Variants in SELENBP1 observed in about 807,000 individuals in gnomAD.
The protein encoded by SELENBP1 is selenium binding protein 1.
In SELENBP1, 71 loss-of-function variants were observed where a neutral mutation model predicts 61.0. That is an observed-to-expected ratio of 1.16 (90% CI 0.96 to 1.42). SELENBP1 has a LOEUF of 1.42. Among genes scored for constraint, SELENBP1 ranks in the 40% most tolerant of loss-of-function variants. The pLI, the probability that SELENBP1 is intolerant of heterozygous loss-of-function variation, is 0.00. For synonymous variants in SELENBP1, 270 were observed against 238.9 expected, an observed-to-expected ratio of 1.13 and a Z score of -1.20; for missense variants, 561 against 605.0, an observed-to-expected ratio of 0.93 and a Z score of 0.76.
rs556895430 is a variant in SELENBP1 at position 151,369,499 on chromosome 1, C to G, written c.117G>C (p.Glu39Asp). ...CCACAGTGGCCAGATAATCTGGGGCCTCAGTGCCTGTGTTTCGGTAAATGC... is the reference window on the plus strand; with the variant it reads ...CCACAGTGGCCAGATAATCTGGGGCGTCAGTGCCTGTGTTTCGGTAAATGC... ...LPCIYRNTGT[E>D]APDYLATVDV... Residue 39 changes from glutamate to aspartate, a missense_variant, in exon 3 of 12, where the codon GAG becomes GAC. Coordinates refer to ENST00000368868, the MANE Select transcript of SELENBP1 (RefSeq NM_003944.4). The G allele has an allele frequency of 1.6e-5, 26 of 1,612,922 alleles. No individual in the cohort carries two copies. In the East Asian group the frequency reaches 5.6e-4, roughly 35 times the overall value.
chr1:151,370,109 G>T, intron 1 of SELENBP1: 1 of 895,366 alleles, frequency 1.1e-6, no homozygotes, highest in South Asian at 2.7e-5. Flanking sequence ...GACTAGCCAG[G>T]GGAGCTTGGG....
At chr1:151,371,747 G>T (rs2102102862) in intron 1 of SELENBP1, among the ~76,000 whole-genome samples, 1 of 152,290 alleles carries the variant, frequency 6.6e-6, no homozygotes, top group South Asian at 2.1e-4. Context: ...AGATGGAGCT[G>T]CCCGCTCTGC....
intron 3 of SELENBP1, 47 bp from the exon 4 acceptor site, chr1:151,369,236 C>T (rs1460650117): frequency 1.3e-6 from 2 of 1,562,918 alleles, no homozygotes; most frequent in South Asian, 2.3e-5. Context: ...CGCCTCTGTC[C>T]ACTTTTGGAA....
chr1:151,372,114 G>T (rs1298300537), intron 1 of SELENBP1, among the ~76,000 whole-genome samples: 2 of 152,162 alleles, frequency 1.3e-5, no homozygotes, highest in East Asian at 1.9e-4. Context: ...ATTTAGGGGT[G>T]GGGGAGGCAT....
rs994568903 is a variant in SELENBP1, at chr1:151,365,797, A to C, written c.893T>G (p.Val298Gly). Residue 298 changes from valine (V) to glycine (G), a missense_variant, in exon 8 of 12, where the codon GTG (valine) becomes GGG (glycine). By Grantham distance (109) the Val-to-Gly change is moderately radical (BLOSUM62 -3). Coordinates refer to ENST00000368868, the MANE Select transcript of SELENBP1 (RefSeq NM_003944.4). Reference protein sequence around the residue: ...EKVIQVPPKKVKGWLLPEMPG... With the variant: ...EKVIQVPPKKGKGWLLPEMPG... ...CATTTCGGGCAGCAGCCAGCCCTTC[A>C]CTTTCTTGGGGGGCACCTGGATCAC... 10 of 1,612,828 alleles carry C rather than the reference A, an allele frequency of 6.2e-6. 1 individual carries two copies. In the Admixed American group the frequency reaches 1.5e-4, roughly 24 times the overall value.
At chr1:151,366,572 C>T (rs995890764) in intron 6 of SELENBP1, 119 bp from the exon 7 acceptor site, 64 of 1,416,826 alleles carry the variant, frequency 4.5e-5, no homozygotes, top group East Asian at 1.8e-4. Flanking sequence ...ATCAGGAAGA[C>T]GCTTGAGCAA....
At chr1:151,366,104 G>A in intron 7 of SELENBP1, 171 bp downstream of exon 7, 1 of 824,742 alleles carries the variant, frequency 1.2e-6, no homozygotes, top group Non-Finnish European at 1.9e-6. Context: ...GATAAATACG[G>A]CCAGTTAGGG....
rs1652034644 is a variant in SELENBP1, at chr1:151,369,448, A to G, written c.168T>C (p.Tyr56=). The change falls in exon 3 of 12, where the codon TAT becomes TAC. Residue 56 remains tyrosine (Y), a synonymous_variant. Coordinates refer to ENST00000368868, the MANE Select transcript of SELENBP1 (RefSeq NM_003944.4). ...CGCCCAAGCCCCGCCTAACCTGGCA[A>G]TACTGGGGAGACTTGGGGTCAACAT... ...TVDVDPKSPQ[Y]CQVIHRLPMP... 7 of 1,611,688 alleles carry G rather than the reference A, an allele frequency of 4.3e-6. No homozygotes were observed. The highest frequency in any genetic ancestry group is 5.9e-6 in the Non-Finnish European group (7 of 1,179,022).
chr1:151,369,060 A>T lies in SELENBP1; in HGVS notation c.304T>A (p.Ser102Thr). The T allele has an allele frequency of 7.4e-6, 12 of 1,614,004 alleles. No individual in the cohort carries two copies. Among genetic ancestry groups the T allele is most frequent in the Non-Finnish European group, 9.3e-6 (11 of 1,179,946 alleles). Residue 102 changes from serine (S) to threonine (T), a missense_variant, in exon 4 of 12, where the codon TCT becomes ACT. Coordinates refer to ENST00000368868, the MANE Select transcript of SELENBP1 (RefSeq NM_003944.4). ...TKLVLPSLIS[S>T]RIYVVDVGSE... ...CCCACGTCCACCACATAGATGCGAG[A>T]GGAGATGAGACTGGGCAGCACCAGC... is the stretch of plus-strand genomic sequence containing the variant.
chr1:151,370,635 G>A (rs1193569025), intron 1 of SELENBP1, among the ~76,000 whole-genome samples: 1 of 152,246 alleles, frequency 6.6e-6, no homozygotes, highest in Non-Finnish European at 1.5e-5. Context: ...CAGCAGATGT[G>A]CAGTAGGGCT....
chr1:151,372,224 G>T (rs1323567746), intron 1 of SELENBP1, among the ~76,000 whole-genome samples: 1 of 152,194 alleles, frequency 6.6e-6, no homozygotes, highest in Admixed American at 6.5e-5. Flanking sequence ...GCACAGAAAG[G>T]CTTTGGACTC....
At position 151,365,570 on chromosome 1, in the gene SELENBP1, G is replaced by A. The variant is rs748871803; in HGVS notation, c.1037C>T (p.Thr346Ile). 1.9e-6 allele frequency: 3 copies of A among 1,614,090 alleles called. No homozygotes were observed. In the South Asian group the frequency reaches 3.3e-5, roughly 18 times the overall value. Residue 346 changes from threonine (T) to isoleucine (I), a missense_variant, in exon 9 of 12, where the codon ACA (threonine) becomes ATA (isoleucine). By Grantham distance (89) the Thr-to-Ile change is moderately conservative. Transcript: ENST00000368868. ...TCCTGCCAGGGTCTCCACCTGTCCT[G>A]TGAGGCGGGGTCTCTGTGGGTCAGA... is the stretch of plus-strand genomic sequence containing the variant. ...DISDPQRPRL[T>I]GQLFLGGSIV...
At chr1:151,369,319 G>T in intron 3 of SELENBP1, 123 bp downstream of exon 3, 1 of 1,427,670 alleles carries the variant, frequency 7.0e-7, no homozygotes, top group South Asian at 1.3e-5. Context: ...CTTGTCCCAG[G>T]TTGAGCGTGC....
At chr1:151,370,574 C>G (rs1170383315) in intron 1 of SELENBP1, among the ~76,000 whole-genome samples, 2 of 152,202 alleles carry the variant, frequency 1.3e-5, no homozygotes, top group Non-Finnish European at 2.9e-5. Flanking sequence ...GCAACCCTCC[C>G]TATCTCTGAA....
intron 3 of SELENBP1, 35 bp downstream of exon 3, chr1:151,369,407 G>A (rs1380596307): frequency 6.4e-7 from 1 of 1,571,696 alleles, no homozygotes; most frequent in Non-Finnish European, 8.7e-7. Flanking sequence ...GGCAGCTATG[G>A]TCTCAAAGTA....
At position 151,366,762 on chromosome 1, in the gene SELENBP1, A is replaced by G. The variant is rs1651844549; in HGVS notation, c.624T>C (p.Asn208=). The change falls in exon 6 of 12, where the codon AAT becomes AAC. Residue 208 remains asparagine (N), a synonymous_variant. Transcript: ENST00000368868. ...CGGGGTTGAAGCCATCTCGTAAGAC[A>G]TTGGGAGCTGCCCACTCAGTGCTGA... ...VMISTEWAAP[N]VLRDGFNPAD... 1.9e-6 allele frequency: 3 copies of G among 1,613,996 alleles called. No individual in the cohort carries two copies. Among genetic ancestry groups the G allele is most frequent in the African/African-American group, 1.3e-5 (1 of 74,916 alleles).
At chr1:151,368,168 G>A (rs760818035) in intron 5 of SELENBP1, 31 bp downstream of exon 5, 2 of 1,601,022 alleles carry the variant, frequency 1.2e-6, no homozygotes, top group Non-Finnish European at 1.7e-6. Flanking sequence ...AGCTGTGGAA[G>A]TTTTCATGAG....
chr1:151,367,576 C>A (rs1252312717), intron 5 of SELENBP1, among the ~76,000 whole-genome samples: 2 of 152,068 alleles, frequency 1.3e-5, no homozygotes, highest in Non-Finnish European at 2.9e-5. Flanking sequence ...TCTTGTCCAG[C>A]CTCCCACTTT....
At position 151,364,333 on chromosome 1, in the gene SELENBP1, G is replaced by A; in HGVS notation, c.*210C>T. 1 of 597,752 alleles carries A rather than the reference G, an allele frequency of 1.7e-6. No homozygotes were observed. Among genetic ancestry groups the A allele is most frequent in the Non-Finnish European group, 2.9e-6 (1 of 342,576 alleles). 37.0% of individuals were successfully genotyped at this position (597,752 alleles called of 1,614,324 possible). A position where few individuals can be genotyped will look rare whatever the true frequency, so the allele number is the denominator to read the frequency against. ...GGACAGGGTTACGAGTTTATTTCTT[G>A]GTGCCTCCAAGAGCTCATGGAAAAG... On this transcript the variant is annotated 3_prime_UTR_variant, in exon 12 of 12. Coordinates refer to ENST00000368868, the MANE Select transcript of SELENBP1 (RefSeq NM_003944.4).
Sources: allele counts gnomAD v4.1 joint callset (sites outside exome capture counted in the v4.1 genomes callset), GRCh38; gene constraint gnomAD v4.1.1; transcripts MANE v1.5; gene names NCBI Gene and HGNC (gene_info 2026-07-23, HGNC 2026-07-21).